The following ADGRE1 variants were observed in gnomAD, a reference collection of about 807,000 sequenced individuals.
The protein encoded by ADGRE1 is adhesion G protein-coupled receptor E1, also known as EGF-like module receptor 1.
In ADGRE1, 82 loss-of-function variants were observed where a neutral mutation model predicts 102.7. The ratio of observed to expected loss-of-function variants is 0.80; its 90% CI spans 0.67 to 0.96. The LOEUF (loss-of-function observed/expected upper bound fraction) is 0.96, where lower values mean the gene tolerates loss of function less well. Among genes scored for constraint, ADGRE1 ranks in the 40% least tolerant of loss-of-function variants. The probability of loss-of-function intolerance (pLI) is 0.00; values close to 1 mark genes in which losing one functional copy is unlikely to be tolerated. For synonymous variants in ADGRE1, 398 were observed against 399.6 expected, an observed-to-expected ratio of 1.00 and a Z score of 0.05; for missense variants, 1,032 against 1,085.3, an observed-to-expected ratio of 0.95 and a Z score of 0.69.
chr19:6,925,998 A>G (rs1359366726), intron 15 of ADGRE1, among the ~76,000 whole-genome samples: 1 of 152,164 alleles, frequency 6.6e-6, no homozygotes, highest in Non-Finnish European at 1.5e-5. Flanking sequence ...ACACCCAGCC[A>G]GTAAAACTTT....
chr19:6,909,133 CA>C (rs35098506), intron 10 of ADGRE1, among the ~76,000 whole-genome samples: 49,392 of 113,978 alleles, frequency 0.43, 9,122 homozygotes, highest in African/African-American at 0.6. Flanking sequence ...GACTCCATCT[CA>C]AAAAAAAAAA....
In ADGRE1 at chr19:6,928,152, C is replaced by G; in HGVS notation, c.2230C>G (p.Leu744Val). The change falls in exon 17 of 21, where the codon CTG (leucine) becomes GTG (valine). Residue 744 changes from leucine to valine, a missense_variant. By Grantham distance (32) the Leu-to-Val change is conservative (BLOSUM62 1). Transcript: ENST00000312053. ...QGYGMHNRCWLNTETGFIWSF... is the reference protein window; with the variant it reads ...QGYGMHNRCWVNTETGFIWSF... ...TCCTATTTCTCTCCACAGCTGCTGGCTGAATACAGAGACAGGGTTCATCTG... is the reference window on the plus strand; with the variant it reads ...TCCTATTTCTCTCCACAGCTGCTGGGTGAATACAGAGACAGGGTTCATCTG... The G allele has an allele frequency of 6.2e-7, 1 of 1,613,698 alleles. No individual in the cohort carries two copies. The highest frequency in any genetic ancestry group is 8.5e-7 in the Non-Finnish European group (1 of 1,179,788).
At chr19:6,901,013 A>G in intron 5 of ADGRE1, among the ~76,000 whole-genome samples, 1 of 152,100 alleles carries the variant, frequency 6.6e-6, no homozygotes, top group East Asian at 1.9e-4. Context: ...TGCCTCTGCC[A>G]CCTTAGGTGT....
At chr19:6,909,481 TGA>T (rs1234918403) in intron 10 of ADGRE1, among the ~76,000 whole-genome samples, 1 of 152,226 alleles carries the variant, frequency 6.6e-6, no homozygotes, top group Admixed American at 6.5e-5. Context: ...TGTGGTCTTT[TGA>T]GACTGGCTTC....
At chr19:6,925,849 C>T (rs1487255562) in intron 15 of ADGRE1, among the ~76,000 whole-genome samples, 1 of 152,020 alleles carries the variant, frequency 6.6e-6, no homozygotes, top group Non-Finnish European at 1.5e-5. Context: ...GCCTGTGCCA[C>T]CATGTCTGGC....
At chr19:6,911,960 TAC>T (rs1332286603) in intron 10 of ADGRE1, among the ~76,000 whole-genome samples, 1 of 147,676 alleles carries the variant, frequency 6.8e-6, no homozygotes, top group Non-Finnish European at 1.5e-5. Context: ...CATACACACA[TAC>T]AGACATACAC....
intron 10 of ADGRE1, among the ~76,000 whole-genome samples, chr19:6,910,570 C>CTTTTTTTTTTTTTT (rs11303491): frequency 8.9e-6 from 1 of 112,682 alleles, no homozygotes; most frequent in Non-Finnish European, 1.7e-5. Context: ...TGTTCCAACT[C>CTTTTTTTTTTTTTT]TTTTTTTTTT....
chr19:6,904,655 G>A (rs113790802), intron 8 of ADGRE1, among the ~76,000 whole-genome samples: 4,690 of 151,318 alleles, frequency 0.031, 117 homozygotes, highest in Non-Finnish European at 0.043. Flanking sequence ...ACAGGCGCCC[G>A]CCACCACGCC....
chr19:6,908,811 A>C (rs761105664), intron 10 of ADGRE1, 39 bp downstream of exon 10: 2 of 1,579,346 alleles, frequency 1.3e-6, no homozygotes, highest in African/African-American at 2.7e-5. Context: ...TTGAGTTTCA[A>C]ACATCTTGGG....
chr19:6,924,754 C>G lies in ADGRE1; in HGVS notation c.1868C>G (p.Thr623Ser), dbSNP rs777046885. The G allele has an allele frequency of 6.2e-7, 1 of 1,614,180 alleles. No individual in the cohort carries two copies. The highest frequency in any genetic ancestry group is 2.2e-5 in the East Asian group (1 of 44,872). ...SLVCLVLAIA[T>S]FLLCRSIRNH... Reference sequence around the variant, plus strand: ...GTGTGCCTCGTCTTGGCCATCGCCACCTTTCTGCTGTGTCGCTCCATCCGA... The same window carrying G: ...GTGTGCCTCGTCTTGGCCATCGCCAGCTTTCTGCTGTGTCGCTCCATCCGA... The change falls in exon 15 of 21, where the codon ACC becomes AGC. Residue 623 changes from threonine (T) to serine (S), a missense_variant. Transcript: ENST00000312053.
At chr19:6,915,778 G>A (rs572695028) in intron 11 of ADGRE1, among the ~76,000 whole-genome samples, 1 of 152,060 alleles carries the variant, frequency 6.6e-6, no homozygotes, top group East Asian at 1.9e-4. Context: ...AAAATTAGCT[G>A]GGTGTGGTGG....
chr19:6,927,077 A>G (rs1000934031), intron 16 of ADGRE1, among the ~76,000 whole-genome samples: 5 of 151,626 alleles, frequency 3.3e-5, no homozygotes, highest in African/African-American at 4.8e-5. Flanking sequence ...AGTGGGGGGA[A>G]TATTGGGGTG....
In ADGRE1 at chr19:6,921,777, G is replaced by A. The variant is rs1334935134; in HGVS notation, c.1685G>A (p.Trp562Ter). The part of the protein sequence containing the change: ...SWSTDVKGGR[W>*]TSFGCVILEA... The stretch of plus-strand genomic sequence containing the variant: ...AGCACTGATGTGAAGGGTGGAAGAT[G>A]GACATCCTTTGGCTGTGTGATCCTG... Residue 562 changes from tryptophan to a stop codon, truncating the protein, a stop_gained, in exon 14 of 21, where the codon TGG becomes TAG. Transcript: ENST00000312053. LOFTEE classifies it high-confidence loss of function. The A allele has an allele frequency of 1.2e-6, 2 of 1,613,890 alleles. No individual in the cohort carries two copies. The highest frequency in any genetic ancestry group is 8.5e-7 in the Non-Finnish European group (1 of 1,180,006).
At chr19:6,904,566 C>A (rs1305982893) in intron 8 of ADGRE1, among the ~76,000 whole-genome samples, 1 of 149,752 alleles carries the variant, frequency 6.7e-6, no homozygotes, top group East Asian at 2.0e-4. Flanking sequence ...AGTACAGTGG[C>A]AGGATCTTGG....
In ADGRE1 at chr19:6,924,744, G is replaced by A. The variant is rs1271347021; in HGVS notation, c.1858G>A (p.Ala620Thr). 1 of 1,614,034 alleles carries A rather than the reference G, an allele frequency of 6.2e-7. No individual in the cohort carries two copies. ...CATCTCCTTGGTGTGCCTCGTCTTGGCCATCGCCACCTTTCTGCTGTGTCG... is the reference window on the plus strand; with the variant it reads ...CATCTCCTTGGTGTGCCTCGTCTTGACCATCGCCACCTTTCTGCTGTGTCG... ...IIISLVCLVL[A>T]IATFLLCRSI... Residue 620 changes from alanine to threonine, a missense_variant, in exon 15 of 21, where the codon GCC (alanine) becomes ACC (threonine). Ala to Thr is a moderately conservative substitution (Grantham distance 58). Transcript: ENST00000312053.
intron 2 of ADGRE1, among the ~76,000 whole-genome samples, chr19:6,894,302 G>A (rs1477591322): frequency 6.6e-6 from 1 of 152,134 alleles, no homozygotes; most frequent in Non-Finnish European, 1.5e-5. Flanking sequence ...CCCACCTGTG[G>A]TCTTGTCCTT....
chr19:6,911,385 G>GTTTTTTATTTTTTTT (rs1974170130), intron 10 of ADGRE1, among the ~76,000 whole-genome samples: 1 of 79,844 alleles, frequency 1.3e-5, no homozygotes, highest in Admixed American at 1.9e-4. Context: ...ATTCCTTTTA[G>GTTTTTTATTTTTTTT]TTTTTTTTTT....
chr19:6,890,663 G>A, intron 2 of ADGRE1, 120 bp downstream of exon 2: 1 of 1,030,204 alleles, frequency 9.7e-7, no homozygotes, highest in Admixed American at 2.6e-5. Context: ...TAGCGGCAGA[G>A]CAAGGGTTAA....
intron 17 of ADGRE1, among the ~76,000 whole-genome samples, chr19:6,931,676 A>G (rs1259989094): frequency 6.6e-6 from 1 of 151,908 alleles, no homozygotes; most frequent in African/African-American, 2.4e-5. Context: ...GGCAGGCACC[A>G]ATAGTCCCAG....
Sources: allele counts gnomAD v4.1 joint callset (sites outside exome capture counted in the v4.1 genomes callset), GRCh38; gene constraint gnomAD v4.1.1; transcripts MANE v1.5; gene names NCBI Gene and HGNC (gene_info 2026-07-23, HGNC 2026-07-21).